ITSN2: variants seen among roughly 807,000 people sequenced by gnomAD.
ITSN2 encodes the protein intersectin 2.
A neutral mutation model predicts 243.7 loss-of-function variants in ITSN2; 156 were observed. The observed-to-expected ratio is 0.64, with a 90% confidence interval of 0.56 to 0.73. The LOEUF (loss-of-function observed/expected upper bound fraction) is 0.73, where lower values mean the gene tolerates loss of function less well. ITSN2 is among the 30% of genes least tolerant of loss of function. The pLI, the probability that ITSN2 is intolerant of heterozygous loss-of-function variation, is 0.00. For missense variants in ITSN2, 1,801 were observed against 1,996.1 expected (o/e 0.90, Z 1.86); for synonymous variants, 703 against 699.9 (o/e 1.00, Z -0.07).
intron 1 of ITSN2, among the ~76,000 whole-genome samples, chr2:24,330,204 T>C (rs1172780259): frequency 2.6e-5 from 4 of 152,216 alleles, no homozygotes; most frequent in African/African-American, 4.8e-5. Flanking sequence ...CTTAATCAGT[T>C]GGGATCTAGG....
At chr2:24,326,986 T>A (rs535045638) in intron 2 of ITSN2, among the ~76,000 whole-genome samples, 4 of 152,264 alleles carry the variant, frequency 2.6e-5, no homozygotes, top group East Asian at 1.9e-4. Context: ...CTCCTTTTTT[T>A]AAATGCTCTT....
At chr2:24,296,911 C>T (rs1230309074) in intron 13 of ITSN2, among the ~76,000 whole-genome samples, 2 of 152,150 alleles carry the variant, frequency 1.3e-5, no homozygotes, top group Non-Finnish European at 2.9e-5. Context: ...ACATGGGATA[C>T]GTATAGGCTC....
At position 24,208,289 on chromosome 2, in the gene ITSN2, C is replaced by T. The variant is rs562441065; in HGVS notation, c.4626G>A (p.Ala1542=). The change falls in exon 37 of 40, where the codon GCG becomes GCA. Residue 1542 remains alanine, a synonymous_variant. Transcript: ENST00000355123. ...TCTCGGTGTCGATGTACTGCTCAGA[C>T]GCCGCCTTGATCTTCTGCACCCAGG... ...RTAWVQKIKA[A]SEQYIDTEKK... The T allele has an allele frequency of 2.6e-5, 42 of 1,611,710 alleles. No individual in the cohort carries two copies. The highest frequency in any genetic ancestry group is 8.3e-5 in the Admixed American group (5 of 59,932).
In ITSN2 at chr2:24,326,442, T is replaced by C. The variant is rs1346883009; in HGVS notation, c.31+1610A>G. Reference sequence around the variant, plus strand: ...TTGCTTATAAAACTGATTAACATGTTGGCTGAAGTTTACAATTCAACTGTT... The same window carrying C: ...TTGCTTATAAAACTGATTAACATGTCGGCTGAAGTTTACAATTCAACTGTT... On this transcript the variant is annotated intron_variant, in intron 2 of 39. Transcript: ENST00000355123. Among the ~76,000 whole-genome samples the C allele has an allele frequency of 2.6e-5, 4 of 152,332 alleles. No homozygotes were observed. In the East Asian group the frequency reaches 7.7e-4, roughly 29 times the overall value.
intron 14 of ITSN2, among the ~76,000 whole-genome samples, chr2:24,294,055 A>T (rs1177075059): frequency 6.6e-6 from 1 of 152,222 alleles, no homozygotes; most frequent in Non-Finnish European, 1.5e-5. Context: ...CAGCTTACTG[A>T]TGAATGACAG....
At chr2:24,355,588 T>C (rs2151953016) in intron 1 of ITSN2, among the ~76,000 whole-genome samples, 1 of 152,316 alleles carries the variant, frequency 6.6e-6, no homozygotes, top group Middle Eastern at 3.4e-3. Flanking sequence ...TAACTTGAGA[T>C]GAATTAAAGA....
Position 24,271,798 on chromosome 2 carries a change from T to C in ITSN2, c.2225A>G (p.Asp742Gly), listed in dbSNP as rs1433493341. The change falls in exon 19 of 40, where the codon GAT (aspartate) becomes GGT (glycine). Residue 742 changes from aspartate to glycine, a missense_variant. Asp to Gly is a moderately conservative substitution (Grantham distance 94). Transcript: ENST00000355123. ...ERKAEEKQRK[D>G]KDTLKAEEKK... Reference sequence around the variant, plus strand: ...CTCCTCAGCTTTCAAAGTATCCTTATCCTTACGTTGTTTCTCCTCAGCTTT... The same window carrying C: ...CTCCTCAGCTTTCAAAGTATCCTTACCCTTACGTTGTTTCTCCTCAGCTTT... The C allele has an allele frequency of 6.9e-6, 11 of 1,604,746 alleles. No individual in the cohort carries two copies. Among genetic ancestry groups the C allele is most frequent in the Non-Finnish European group, 9.3e-6 (11 of 1,177,868 alleles).
At chr2:24,329,836 C>T (rs1351704749) in intron 1 of ITSN2, among the ~76,000 whole-genome samples, 1 of 152,176 alleles carries the variant, frequency 6.6e-6, no homozygotes, top group African/African-American at 2.4e-5. Flanking sequence ...CATTTTATAG[C>T]TAGCTTAAAA....
At chr2:24,284,022 G>A (rs1241059704) in intron 17 of ITSN2, among the ~76,000 whole-genome samples, 1 of 152,122 alleles carries the variant, frequency 6.6e-6, no homozygotes, top group African/African-American at 2.4e-5. Context: ...TCATGTTTCT[G>A]TCTTCACTGT....
At chr2:24,255,840 G>T (rs369253578) in intron 23 of ITSN2, among the ~76,000 whole-genome samples, 1 of 134,016 alleles carries the variant, frequency 7.5e-6, no homozygotes, top group South Asian at 2.4e-4. Flanking sequence ...ACCTGAGGTC[G>T]GGAGTTTGAG....
intron 2 of ITSN2, among the ~76,000 whole-genome samples, chr2:24,320,580 T>C (rs1215421055): frequency 7.3e-6 from 1 of 137,076 alleles, no homozygotes; most frequent in African/African-American, 2.8e-5. Context: ...CCAGTGGTGG[T>C]GGCTCACACC....
chr2:24,203,840 A>G, intron 39 of ITSN2, 57 bp from the exon 40 acceptor site: 1 of 1,527,066 alleles, frequency 6.5e-7, no homozygotes, highest in Non-Finnish European at 8.9e-7. Context: ...ATCATTAAAG[A>G]GCTACATCCG....
chr2:24,310,922 A>G (rs1187115910), intron 5 of ITSN2, among the ~76,000 whole-genome samples: 17 of 152,182 alleles, frequency 1.1e-4, no homozygotes, highest in Admixed American at 9.8e-4. Context: ...AAAGAGTTAA[A>G]TATTCTCCTC....
intron 1 of ITSN2, among the ~76,000 whole-genome samples, chr2:24,340,414 G>A (rs1306494390): frequency 6.6e-6 from 1 of 151,356 alleles, no homozygotes; most frequent in African/African-American, 2.4e-5. Flanking sequence ...CCGGGGGGTG[G>A]AGGTTACAGC....
intron 3 of ITSN2, among the ~76,000 whole-genome samples, chr2:24,314,860 T>C (rs1430121417): frequency 6.6e-6 from 1 of 152,206 alleles, no homozygotes; most frequent in East Asian, 1.9e-4. Flanking sequence ...ACTTTCTAGA[T>C]ATAATGTTAA....
At chr2:24,313,398 C>A in intron 4 of ITSN2, 62 bp downstream of exon 4, 20 of 1,326,466 alleles carry the variant, frequency 1.5e-5, no homozygotes, top group Non-Finnish European at 2.1e-5. Context: ...TTTATGTTAA[C>A]ACTATATTAC....
intron 33 of ITSN2, 22 bp downstream of exon 33, chr2:24,212,628 A>G: frequency 1.3e-6 from 2 of 1,578,892 alleles, no homozygotes; most frequent in Non-Finnish European, 1.7e-6. Flanking sequence ...CTCAGACCCC[A>G]CTGCCCGGCC....
At chr2:24,339,082 A>G (rs1490935421) in intron 1 of ITSN2, among the ~76,000 whole-genome samples, 1 of 152,192 alleles carries the variant, frequency 6.6e-6, no homozygotes, top group Non-Finnish European at 1.5e-5. Flanking sequence ...GAGAAGGACT[A>G]GTTAAAAGAA....
At chr2:24,304,334 T>A (rs1486026575) in intron 8 of ITSN2, among the ~76,000 whole-genome samples, 1 of 152,212 alleles carries the variant, frequency 6.6e-6, no homozygotes, top group Non-Finnish European at 1.5e-5. Context: ...CAACACTGCC[T>A]CAGCAACAGC....
Sources: gnomAD v4.1 joint callset for allele counts (sites outside exome capture counted in the v4.1 genomes callset) on GRCh38, gnomAD v4.1.1 for gene constraint, MANE v1.5 for transcripts, NCBI Gene and HGNC (gene_info 2026-07-23, HGNC 2026-07-21) for gene names.